The following PRH1 variants were observed in gnomAD, a reference collection of about 807,000 sequenced individuals.
PRH1 encodes proline rich protein HaeIII subfamily 1, also known as salivary acidic proline-rich phosphoprotein 1/2.
In PRH1, 7 loss-of-function variants were observed where a neutral mutation model predicts 7.9. The observed-to-expected ratio is 0.89, with a 90% CI of 0.50 to 1.67. The LOEUF is 1.67. Ranked by LOEUF, PRH1 falls within the 40% of genes most tolerant of loss-of-function variation. The pLI, the probability that PRH1 is intolerant of heterozygous loss-of-function variation, is 0.00. For missense variants in PRH1, 109 were observed against 223.6 expected (o/e 0.49, Z 3.27); for synonymous variants, 45 against 80.8 (o/e 0.56, Z 2.38).
In PRH1 at chr12:10,914,074, T is replaced by A. The variant is rs112084912; in HGVS notation, c.-58-29799A>T. Among the ~76,000 whole-genome samples the A allele has an allele frequency of 1.4e-4, 21 of 152,262 alleles. 1 individual carries two copies. Among genetic ancestry groups the A allele is most frequent in the African/African-American group, 4.6e-4 (19 of 41,564 alleles). ...GGCTTAATACTTGATTCATTGGCAG[T>A]GAGTGGCAAGAAAAAACATTACTGT... On this transcript the variant is annotated intron_variant, in intron 2 of 3. Coordinates refer to the PRH1 transcript ENST00000539853.
intron 1 of PRH1, among the ~76,000 whole-genome samples, chr12:11,020,945 T>TA (rs1451253415): frequency 3.3e-5 from 5 of 152,250 alleles, no homozygotes; most frequent in African/African-American, 1.2e-4. Flanking sequence ...TAACTACAGA[T>TA]AAAAAAATTA....
chr12:11,101,119 G>A (rs546198030), intron 1 of PRH1, among the ~76,000 whole-genome samples: 66 of 152,184 alleles, frequency 4.3e-4, no homozygotes, highest in South Asian at 1.5e-3. Context: ...AAATTTTGAT[G>A]TTTCAAATTC....
intron 1 of PRH1, among the ~76,000 whole-genome samples, chr12:11,031,925 C>T (rs1942242351): frequency 6.6e-6 from 1 of 152,168 alleles, no homozygotes; most frequent in African/African-American, 2.4e-5. Flanking sequence ...CTATATGCAC[C>T]TGATTTGTGA....
At chr12:11,146,331 GA>G (rs1369021783) in intron 1 of PRH1, among the ~76,000 whole-genome samples, 1 of 151,374 alleles carries the variant, frequency 6.6e-6, no homozygotes, top group Non-Finnish European at 1.5e-5. Context: ...CTCTAAATGA[GA>G]AAAAAAATGG....
intron 1 of PRH1, chr12:10,985,808 G>A (rs1591767775): frequency 1.2e-6 from 1 of 818,352 alleles, no homozygotes; most frequent in Middle Eastern, 3.7e-4. Flanking sequence ...ACTTTTCTAG[G>A]TATGCTTTCA....
intron 2 of PRH1, among the ~76,000 whole-genome samples, chr12:10,916,226 C>A (rs1449447454): frequency 6.6e-6 from 1 of 151,956 alleles, no homozygotes; most frequent in African/African-American, 2.4e-5. Flanking sequence ...TGGGAAAGAC[C>A]CGCCCACGAT....
chr12:11,058,606 G>GGGCT (rs1943462296), intron 1 of PRH1, among the ~76,000 whole-genome samples: 1 of 152,286 alleles, frequency 6.6e-6, no homozygotes, highest in African/African-American at 2.4e-5. Flanking sequence ...GAACAAAAGA[G>GGGCT]GGCTCTACAG....
intron 2 of PRH1, among the ~76,000 whole-genome samples, chr12:10,972,558 C>G (rs988391770): frequency 6.6e-6 from 1 of 152,096 alleles, no homozygotes; most frequent in African/African-American, 2.4e-5. Flanking sequence ...GCTGATTTTT[C>G]ACTTGCAAGC....
intron 2 of PRH1, among the ~76,000 whole-genome samples, chr12:10,924,306 A>C (rs1450213352): frequency 6.6e-6 from 1 of 152,006 alleles, no homozygotes; most frequent in East Asian, 1.9e-4. Flanking sequence ...CATCTATTCT[A>C]AGTTTCTATT....
chr12:10,974,391 C>T (rs1044950320), intron 1 of PRH1, among the ~76,000 whole-genome samples: 13 of 152,130 alleles, frequency 8.5e-5, no homozygotes, highest in African/African-American at 2.7e-4. Flanking sequence ...TTCAGAGTAT[C>T]GTAACCAGCA....
chr12:11,110,489 C>T (rs991094815), intron 1 of PRH1, among the ~76,000 whole-genome samples: 2 of 152,144 alleles, frequency 1.3e-5, no homozygotes, highest in African/African-American at 2.4e-5. Flanking sequence ...CCCTACAAGC[C>T]GGAAGAGAGT....
At chr12:11,099,885 T>C (rs571386127) in intron 1 of PRH1, among the ~76,000 whole-genome samples, 1 of 152,230 alleles carries the variant, frequency 6.6e-6, no homozygotes, top group African/African-American at 2.4e-5. Flanking sequence ...AAAAAGTAGA[T>C]GGGGAATGGC....
chr12:10,903,762 A>G (rs1312514512), intron 2 of PRH1, among the ~76,000 whole-genome samples: 2 of 151,752 alleles, frequency 1.3e-5, no homozygotes, highest in Non-Finnish European at 2.9e-5. Flanking sequence ...ATGTGAATCC[A>G]TACATACAAA....
intron 2 of PRH1, chr12:10,929,486 C>T (rs868502309): frequency 6.0e-5 from 55 of 911,734 alleles, no homozygotes; most frequent in South Asian, 4.4e-4. Context: ...CCTGTTGTGC[C>T]TTCATTCCTC....
At chr12:11,108,671 C>G (rs1463555937) in intron 1 of PRH1, among the ~76,000 whole-genome samples, 1 of 152,210 alleles carries the variant, frequency 6.6e-6, no homozygotes, top group East Asian at 1.9e-4. Context: ...CTTCGTAACC[C>G]ACAAACCAGG....
intron 2 of PRH1, among the ~76,000 whole-genome samples, chr12:10,896,532 C>T (rs915940045): frequency 6.6e-5 from 10 of 152,042 alleles, no homozygotes; most frequent in African/African-American, 1.9e-4. Flanking sequence ...AAGGCCAAGG[C>T]AGGTGGATCA....
chr12:11,156,555 C>T (rs1315809298), intron 1 of PRH1, among the ~76,000 whole-genome samples: 2 of 152,174 alleles, frequency 1.3e-5, no homozygotes, highest in East Asian at 1.9e-4. Context: ...AATTATGCTT[C>T]ACTCTGTGTA....
At chr12:10,946,712 C>T (rs1329457077) in intron 2 of PRH1, among the ~76,000 whole-genome samples, 2 of 151,890 alleles carry the variant, frequency 1.3e-5, no homozygotes, top group Non-Finnish European at 2.9e-5. Context: ...TTCTCTAATT[C>T]TTTCAATTTT....
intron 1 of PRH1, among the ~76,000 whole-genome samples, chr12:11,057,775 G>A (rs1310941225): frequency 1.3e-5 from 2 of 151,540 alleles, no homozygotes; most frequent in Admixed American, 6.6e-5. Context: ...CACTTTTTAC[G>A]GGGCTCGTCA....
Sources: allele counts gnomAD v4.1 joint callset (sites outside exome capture counted in the v4.1 genomes callset), GRCh38; gene constraint gnomAD v4.1.1; transcripts MANE v1.5; gene names NCBI Gene and HGNC (gene_info 2026-07-23, HGNC 2026-07-21).